The following PCM1 variants were observed in gnomAD, a reference collection of about 807,000 sequenced individuals.
PCM1 encodes the protein pericentriolar material 1 protein.
A neutral mutation model predicts 241.9 loss-of-function variants in PCM1; 157 were observed. The observed-to-expected ratio is 0.65, with a 90% CI of 0.57 to 0.74. The LOEUF (loss-of-function observed/expected upper bound fraction) is 0.74. Ranked by LOEUF, PCM1 falls within the 30% of genes least tolerant of loss-of-function variation. PCM1 has a pLI of 0.00. For synonymous variants in PCM1, 1,085 were observed against 784.9 expected (o/e 1.38, Z -6.39); for missense variants, 3,478 against 2,360.1 (o/e 1.47, Z -9.81).
chr8:17,941,752 A>G (rs897046252), intron 6 of PCM1, among the ~76,000 whole-genome samples: 30 of 151,896 alleles, frequency 2.0e-4, no homozygotes, highest in South Asian at 6.2e-4. Flanking sequence ...TACAAGTCCA[A>G]AAGGGAAAGG....
intron 19 of PCM1, 31 bp from the exon 20 acceptor site, chr8:17,966,297 G>T (rs778747511): frequency 7.5e-6 from 12 of 1,610,684 alleles, no homozygotes; most frequent in Middle Eastern, 1.7e-4. Flanking sequence ...CAAGTCATCA[G>T]TAACTATTAA....
At position 18,029,508 on chromosome 8, in the gene PCM1, G is replaced by C. The variant is rs2094409871; in HGVS notation, c.*1846G>C. The C allele has an allele frequency of 4.7e-6, 1 of 213,940 alleles. No homozygotes were observed. Among genetic ancestry groups the C allele is most frequent in the Non-Finnish European group, 9.5e-6 (1 of 105,736 alleles). 13.3% of individuals were successfully genotyped at this position (213,940 alleles called of 1,614,324 possible). On this transcript the variant is annotated 3_prime_UTR_variant, in exon 39 of 39. Transcript: ENST00000325083. Reference sequence around the variant, plus strand: ...ACTGTGTTTCTCTCTCTGTCTGCATGCATATTAAAGTGGAAAAATTGTATT... The same window carrying C: ...ACTGTGTTTCTCTCTCTGTCTGCATCCATATTAAAGTGGAAAAATTGTATT...
rs1273235637 is a variant in PCM1, at chr8:18,029,916, T to C, written c.*2254T>C. The C allele has an allele frequency of 1.1e-5, 2 of 186,728 alleles. No individual in the cohort carries two copies. The highest frequency in any genetic ancestry group is 1.7e-4 in the East Asian group (2 of 11,510). The allele number at this position is 186,728 out of a possible 1,614,324, so 11.6% of individuals were successfully genotyped here. On this transcript the variant is annotated 3_prime_UTR_variant, in exon 39 of 39. Transcript: ENST00000325083. ...AACATTGACTTTGGGTAAATGCTTT[T>C]TCACTGTTAATAAATATATATCCTG... is the stretch of plus-strand genomic sequence containing the variant.
At chr8:17,948,036 A>G (rs980870904) in intron 7 of PCM1, among the ~76,000 whole-genome samples, 1 of 151,752 alleles carries the variant, frequency 6.6e-6, no homozygotes, top group Non-Finnish European at 1.5e-5. Flanking sequence ...GCAAAAAAAG[A>G]TGATTAGTTA....
At chr8:17,996,106 G>T (rs2086628737) in intron 29 of PCM1, among the ~76,000 whole-genome samples, 1 of 152,096 alleles carries the variant, frequency 6.6e-6, no homozygotes, top group Non-Finnish European at 1.5e-5. Flanking sequence ...CATCCTTGTT[G>T]TGTTCCAGAT....
chr8:17,931,070 A>G (rs1017506849), intron 2 of PCM1, among the ~76,000 whole-genome samples: 2 of 152,178 alleles, frequency 1.3e-5, no homozygotes, highest in African/African-American at 4.8e-5. Context: ...TGCCAACCTG[A>G]TAGATTAGAC....
Position 18,006,253 on chromosome 8 carries a change from T to C in PCM1, c.4828-10T>C. ...AAGTTTATATTCTAACCAACTAGGA[T>C]TTTTCTCAGGAGCACATGGATGAAG... On this transcript the variant is annotated splice_polypyrimidine_tract_variant and intron_variant, in intron 29 of 38. Coordinates refer to ENST00000325083, the MANE Select transcript of PCM1 (RefSeq NM_006197.4). 6.3e-7 allele frequency: 1 copy of C among 1,592,516 alleles called. No homozygotes were observed. Among genetic ancestry groups the C allele is most frequent in the African/African-American group, 1.3e-5 (1 of 74,316 alleles).
Position 17,952,684 on chromosome 8 carries a change from A to G in PCM1, c.1072-286A>G, listed in dbSNP as rs189499030. 3.3e-5 allele frequency among the ~76,000 whole-genome samples: 5 copies of G among 151,994 alleles called. No homozygotes were observed. The East Asian group carries it at 9.7e-4, about 29-fold the overall frequency. On this transcript the variant is annotated intron_variant, in intron 8 of 38. Transcript: ENST00000325083. The stretch of plus-strand genomic sequence containing the variant: ...GGATGTGTGTAGATTATGTGCAGAT[A>G]CTACACCATTTTATATAAGGGATTT...
chr8:18,003,238 T>C (rs985205445), intron 29 of PCM1, among the ~76,000 whole-genome samples: 15 of 152,186 alleles, frequency 9.9e-5, no homozygotes, highest in Non-Finnish European at 2.1e-4. Context: ...CAGTAAACAT[T>C]AATGAATTAA....
At chr8:17,951,934 A>G (rs117007814) in intron 8 of PCM1, among the ~76,000 whole-genome samples, 2,566 of 150,526 alleles carry the variant, frequency 0.017, 39 homozygotes, top group South Asian at 0.043. Flanking sequence ...AAAAAAATTT[A>G]AAAAAAGGCC....
rs2075184335 is a variant in PCM1, at chr8:17,967,189, A to G, written c.3412+19A>G. ...GCACCAGGTAGGTGACTTAACCTAA[A>G]GAGAAAATAAATAAAAGCAAAGTGT... On this transcript the variant is annotated intron_variant, in intron 21 of 38. Transcript: ENST00000325083. 9 of 1,531,634 alleles carry G rather than the reference A, an allele frequency of 5.9e-6. No homozygotes were observed. The highest frequency in any genetic ancestry group is 8.0e-6 in the Non-Finnish European group (9 of 1,127,718). 94.9% of individuals were successfully genotyped at this position (1,531,634 alleles called of 1,614,324 possible). A position where few individuals can be genotyped will look rare whatever the true frequency, so the allele number is the denominator to read the frequency against.
At chr8:18,026,883 G>A (rs189939375) in intron 38 of PCM1, among the ~76,000 whole-genome samples, 4 of 151,884 alleles carry the variant, frequency 2.6e-5, no homozygotes, top group Admixed American at 6.6e-5. Flanking sequence ...TATTATATAC[G>A]CTTACATTTT....
rs1426007235 is a variant in PCM1, at chr8:17,954,182, C to T, written c.1288+996C>T. 1.3e-5 allele frequency among the ~76,000 whole-genome samples: 2 copies of T among 152,082 alleles called. 1 individual carries two copies. Among genetic ancestry groups the T allele is most frequent in the South Asian group, 4.1e-4 (2 of 4,824 alleles). On this transcript the variant is annotated intron_variant, in intron 9 of 38. Coordinates refer to ENST00000325083, the MANE Select transcript of PCM1 (RefSeq NM_006197.4). ...GTGGCTCACGCCTGTAATCCCAGCA[C>T]CTTGGGAGGCTGAGGCGGGTGGATC... is the stretch of plus-strand genomic sequence containing the variant.
intron 12 of PCM1, 36 bp downstream of exon 12, chr8:17,957,457 G>A: frequency 6.2e-7 from 1 of 1,608,780 alleles, no homozygotes; most frequent in South Asian, 1.1e-5. Context: ...ATTTTGCTGT[G>A]TTATTCTTAC....
At chr8:17,946,317 A>T (rs7829522) in intron 6 of PCM1, among the ~76,000 whole-genome samples, 3,010 of 152,294 alleles carry the variant, frequency 0.02, 110 homozygotes, top group African/African-American at 0.069. Context: ...CGAATATAAA[A>T]TTCGTTATTT....
chr8:17,931,640 T>C, intron 2 of PCM1, among the ~76,000 whole-genome samples: 1 of 152,324 alleles, frequency 6.6e-6, no homozygotes. Context: ...ATAAAAATGA[T>C]ATGTAATAAT....
At chr8:17,942,871 C>T (rs1386770829) in intron 6 of PCM1, among the ~76,000 whole-genome samples, 3 of 151,898 alleles carry the variant, frequency 2.0e-5, no homozygotes, top group Admixed American at 1.3e-4. Context: ...GTAGTATGCA[C>T]CTGTAATCTC....
intron 3 of PCM1, among the ~76,000 whole-genome samples, chr8:17,936,671 G>T (rs1220914409): frequency 6.6e-6 from 1 of 152,104 alleles, no homozygotes; most frequent in Non-Finnish European, 1.5e-5. Context: ...AAAATAAATA[G>T]CCTAGGGTCA....
In PCM1 at chr8:17,957,388, A is replaced by T; in HGVS notation, c.1771A>T (p.Asn591Tyr). The change falls in exon 12 of 39, where the codon AAC (asparagine) becomes TAC (tyrosine). Residue 591 changes from asparagine to tyrosine, a missense_variant. Coordinates refer to ENST00000325083, the MANE Select transcript of PCM1 (RefSeq NM_006197.4). ...NCEINNRSAA[N>Y]IRALNMPPSL... ...TGAAATTAACAACAGATCTGCTGCC[A>T]ACATAAGGGCTCTAAACATGCCTCC... The T allele has an allele frequency of 1.9e-6, 3 of 1,612,874 alleles. No individual in the cohort carries two copies. The South Asian group carries it at 3.3e-5, about 18-fold the overall frequency.
Sources: allele counts gnomAD v4.1 joint callset (sites outside exome capture counted in the v4.1 genomes callset), GRCh38; gene constraint gnomAD v4.1.1; transcripts MANE v1.5; gene names NCBI Gene and HGNC (gene_info 2026-07-23, HGNC 2026-07-21).